Variants in CHD7 observed in about 807,000 individuals in gnomAD.
CHD7 encodes ATP-dependent chromatin remodeler CHD7.
Under a neutral mutation model 307.3 loss-of-function variants are expected in CHD7, and 24 were observed. That is an observed-to-expected ratio of 0.08 (90% CI 0.06 to 0.11). The LOEUF is 0.11. Among genes scored for constraint, CHD7 ranks in the 10% least tolerant of loss-of-function variants. The probability of loss-of-function intolerance (pLI) is 1.00; values close to 1 mark genes in which losing one functional copy is unlikely to be tolerated. For synonymous variants in CHD7, 1,363 were observed against 1,349.9 expected, an observed-to-expected ratio of 1.01 and a Z score of -0.21; for missense variants, 3,106 against 3,727.1, an observed-to-expected ratio of 0.83 and a Z score of 4.34.
chr8:60,730,944 G>A (rs946062687), intron 1 of CHD7, among the ~76,000 whole-genome samples: 8 of 152,150 alleles, frequency 5.3e-5, no homozygotes, highest in Non-Finnish European at 1.2e-4. Flanking sequence ...GTAGCATGAT[G>A]AAGTATTGCA....
chr8:60,867,171 C>T lies in CHD7; in HGVS notation c.*1238C>T, dbSNP rs1353238195. 1 of 152,050 alleles carries T rather than the reference C, an allele frequency of 6.6e-6. No individual in the cohort carries two copies. Among genetic ancestry groups the T allele is most frequent in the African/African-American group, 2.4e-5 (1 of 41,388 alleles). The allele number at this position is 152,050 out of a possible 1,614,324, so 9.4% of individuals were successfully genotyped here. ...ACTCCCTCAAAAGGGCATCTGAGACCGAGAATACTTAGAAATGTGTGCAGC... is the reference window on the plus strand; with the variant it reads ...ACTCCCTCAAAAGGGCATCTGAGACTGAGAATACTTAGAAATGTGTGCAGC... On this transcript the variant is annotated 3_prime_UTR_variant, in exon 38 of 38. Transcript: ENST00000423902.
intron 32 of CHD7, chr8:60,855,321 C>G (rs993861979): frequency 6.6e-6 from 1 of 152,308 alleles, no homozygotes; most frequent in African/African-American, 2.4e-5. Context: ...AGGGAGTTTC[C>G]CAGATCAGTC....
intron 1 of CHD7, among the ~76,000 whole-genome samples, chr8:60,738,223 A>G (rs1808803276): frequency 6.6e-6 from 1 of 152,238 alleles, no homozygotes; most frequent in Non-Finnish European, 1.5e-5. Flanking sequence ...TGTAAATTAC[A>G]TACTGGGTTT....
At chr8:60,711,140 G>A (rs1261151782) in intron 1 of CHD7, among the ~76,000 whole-genome samples, 2 of 152,198 alleles carry the variant, frequency 1.3e-5, no homozygotes, top group Non-Finnish European at 2.9e-5. Flanking sequence ...TTGTGGACAA[G>A]GAGGGCTATT....
In CHD7 at chr8:60,822,624, A is replaced by G. The variant is rs2150750327; in HGVS notation, c.3079A>G (p.Thr1027Ala). Residue 1027 changes from threonine to alanine, a missense_variant, in exon 12 of 38, where the codon ACA becomes GCA. Transcript: ENST00000423902. ...GPFLVIAPLSTIPNWEREFRT... is the reference protein window; with the variant it reads ...GPFLVIAPLSAIPNWEREFRT... ...TTTTTTAGTAATTGCCCCATTGTCC[A>G]CAATCCCCAACTGGGAAAGGGAATT... 6.2e-7 allele frequency: 1 copy of G among 1,613,932 alleles called. No individual in the cohort carries two copies.
rs1271318068 is a variant in CHD7, at chr8:60,742,500, C to T, written c.1068C>T (p.Asn356=). ...RYPNAVGFPS[N]SGQGLMHQQP... ...CCAATGCTGTAGGATTCCCATCAAA[C>T]AGTGGTCAAGGACTAATGCACCAGC... The change falls in exon 2 of 38, where the codon AAC becomes AAT. Residue 356 remains asparagine (N), a synonymous_variant. Coordinates refer to ENST00000423902, the MANE Select transcript of CHD7 (RefSeq NM_017780.4). 1 of 1,614,004 alleles carries T rather than the reference C, an allele frequency of 6.2e-7. No individual in the cohort carries two copies.
At chr8:60,736,482 G>A (rs1808719328) in intron 1 of CHD7, among the ~76,000 whole-genome samples, 1 of 152,158 alleles carries the variant, frequency 6.6e-6, no homozygotes, top group Admixed American at 6.5e-5. Context: ...CATGGGTTAT[G>A]ATGAGGGTGG....
intron 1 of CHD7, among the ~76,000 whole-genome samples, chr8:60,738,675 T>A (rs1586242402): frequency 6.6e-6 from 1 of 152,274 alleles, no homozygotes; most frequent in East Asian, 1.9e-4. Flanking sequence ...CTGGCATAGT[T>A]GCCAGCTGGG....
At chr8:60,825,553 A>C (rs1804222512) in intron 13 of CHD7, 1 of 152,256 alleles carries the variant, frequency 6.6e-6, no homozygotes, top group African/African-American at 2.4e-5. Flanking sequence ...GGTGATACTT[A>C]AGCATTAAAA....
At chr8:60,749,095 G>A (rs1010494743) in intron 2 of CHD7, among the ~76,000 whole-genome samples, 5 of 151,684 alleles carry the variant, frequency 3.3e-5, no homozygotes, top group African/African-American at 4.8e-5. Context: ...TTACAAGGCC[G>A]GGCGTGGTGG....
chr8:60,805,475 G>T (rs146462800), intron 6 of CHD7, among the ~76,000 whole-genome samples: 1 of 152,298 alleles, frequency 6.6e-6, no homozygotes, highest in East Asian at 1.9e-4. Context: ...AACCTGGTTG[G>T]TTCCTCCTAG....
At chr8:60,714,277 G>C (rs1248517240) in intron 1 of CHD7, among the ~76,000 whole-genome samples, 4 of 152,030 alleles carry the variant, frequency 2.6e-5, no homozygotes, top group Non-Finnish European at 5.9e-5. Flanking sequence ...CGGCACCGTG[G>C]CCTCCCACCC....
chr8:60,809,777 T>C (rs1586366549), intron 7 of CHD7, among the ~76,000 whole-genome samples: 2 of 152,246 alleles, frequency 1.3e-5, no homozygotes, highest in Middle Eastern at 6.8e-3. Flanking sequence ...TTGTTAGCCT[T>C]ATATTTGGAT....
At chr8:60,859,237 C>G (rs182466425) in intron 34 of CHD7, among the ~76,000 whole-genome samples, 16 of 151,990 alleles carry the variant, frequency 1.1e-4, no homozygotes, top group Admixed American at 6.5e-4. Flanking sequence ...AAGCACTGCT[C>G]GATCTGTAAA....
intron 2 of CHD7, among the ~76,000 whole-genome samples, chr8:60,773,785 G>C (rs1432125965): frequency 6.6e-6 from 1 of 152,114 alleles, no homozygotes; most frequent in African/African-American, 2.4e-5. Flanking sequence ...TATGCTAGTG[G>C]AGTGATTTTT....
intron 1 of CHD7, among the ~76,000 whole-genome samples, chr8:60,714,197 C>A (rs547188607): frequency 6.6e-6 from 1 of 152,034 alleles, no homozygotes; most frequent in Non-Finnish European, 1.5e-5. Context: ...CGGGGCATCC[C>A]CTGGGCCAGA....
At chr8:60,791,120 C>T (rs1811753135) in intron 3 of CHD7, among the ~76,000 whole-genome samples, 1 of 152,130 alleles carries the variant, frequency 6.6e-6, no homozygotes, top group South Asian at 2.1e-4. Flanking sequence ...TCAGATTTGC[C>T]TTCCAGCTGG....
At chr8:60,702,025 A>G (rs572695178) in intron 1 of CHD7, among the ~76,000 whole-genome samples, 1 of 152,348 alleles carries the variant, frequency 6.6e-6, no homozygotes, top group Non-Finnish European at 1.5e-5. Context: ...ATGGACTTTA[A>G]AAGTAGTGGG....
intron 31 of CHD7, 45 bp downstream of exon 31, chr8:60,853,545 G>T: frequency 2.1e-6 from 3 of 1,435,874 alleles, no homozygotes; most frequent in South Asian, 1.6e-5. Context: ...GCAGCAGCTG[G>T]TTGTGAGATG....
Sources: gnomAD v4.1 joint callset for allele counts (sites outside exome capture counted in the v4.1 genomes callset) on GRCh38, gnomAD v4.1.1 for gene constraint, MANE v1.5 for transcripts, NCBI Gene and HGNC (gene_info 2026-07-23, HGNC 2026-07-21) for gene names.